NELL1: variants seen among roughly 807,000 people sequenced by gnomAD.
NELL1 encodes neural EGFL like 1, also known as protein kinase C-binding protein NELL1.
NELL1 carries 76 observed loss-of-function variants against 107.4 expected under a neutral mutation model. The ratio of observed to expected loss-of-function variants is 0.71; its 90% CI spans 0.59 to 0.86. The LOEUF (loss-of-function observed/expected upper bound fraction) is 0.86, where lower values mean the gene tolerates loss of function less well. Ranked by LOEUF, NELL1 falls within the 40% of genes least tolerant of loss-of-function variation. NELL1 has a pLI of 0.00. For missense variants in NELL1, 1,024 were observed against 1,005.5 expected (o/e 1.02, Z -0.25); for synonymous variants, 353 against 341.2 (o/e 1.03, Z -0.38).
intron 3 of NELL1, among the ~76,000 whole-genome samples, chr11:20,802,365 G>C (rs761713587): frequency 6.7e-6 from 1 of 148,300 alleles, no homozygotes; most frequent in African/African-American, 2.5e-5. Flanking sequence ...TTACTTTCTT[G>C]ATTTCTTTTT....
chr11:20,995,083 A>C (rs1852059708), intron 12 of NELL1, among the ~76,000 whole-genome samples: 1 of 151,932 alleles, frequency 6.6e-6, no homozygotes, highest in Non-Finnish European at 1.5e-5. Context: ...TTAGAATTGC[A>C]AGCTTCAAAA....
At chr11:21,456,137 C>T (rs1308624117) in intron 15 of NELL1, among the ~76,000 whole-genome samples, 1 of 152,198 alleles carries the variant, frequency 6.6e-6, no homozygotes, top group East Asian at 1.9e-4. Flanking sequence ...AGGTGATCCA[C>T]CTGCCTCAGC....
At chr11:21,098,667 G>C (rs1035303521) in intron 12 of NELL1, among the ~76,000 whole-genome samples, 4 of 152,144 alleles carry the variant, frequency 2.6e-5, no homozygotes, top group South Asian at 2.1e-4. Context: ...AGGTGCTCCA[G>C]GGTCACAGGT....
At position 21,164,967 on chromosome 11, in the gene NELL1, T is replaced by A. The variant is rs180973863; in HGVS notation, c.1426+51253T>A. ...AATTCAATTACTTTCTCACTGACAT[T>A]CCTTCTCATAGAGACTTGATTATTT... On this transcript the variant is annotated intron_variant, in intron 13 of 19. Coordinates refer to ENST00000357134, the MANE Select transcript of NELL1 (RefSeq NM_006157.5). Among the ~76,000 whole-genome samples, 15 of 152,348 alleles carry A rather than the reference T, an allele frequency of 9.8e-5. No individual in the cohort carries two copies. In the East Asian group the frequency reaches 2.9e-3, roughly 29 times the overall value.
Position 21,208,974 on chromosome 11 carries a change from T to C in NELL1, c.1427-20358T>C, listed in dbSNP as rs551030237. ...AATCAGCAGGGCTTTTGACCTCCAATAACTTTTTGGGCTAGATAGTAACCA... is the reference window on the plus strand; with the variant it reads ...AATCAGCAGGGCTTTTGACCTCCAACAACTTTTTGGGCTAGATAGTAACCA... On this transcript the variant is annotated intron_variant, in intron 13 of 19. Coordinates refer to ENST00000357134, the MANE Select transcript of NELL1 (RefSeq NM_006157.5). Among the ~76,000 whole-genome samples the C allele has an allele frequency of 3.9e-5, 6 of 152,198 alleles. No homozygotes were observed. The South Asian group carries it at 1.0e-3, about 26-fold the overall frequency.
intron 12 of NELL1, among the ~76,000 whole-genome samples, chr11:21,018,429 G>A (rs1336739809): frequency 1.3e-5 from 2 of 152,022 alleles, no homozygotes; most frequent in Non-Finnish European, 2.9e-5. Context: ...CAGTGGGCAC[G>A]AAGAGTGATC....
chr11:20,893,855 T>TAAAAAAAAAAA, intron 5 of NELL1, among the ~76,000 whole-genome samples: 1 of 127,148 alleles, frequency 7.9e-6, no homozygotes, highest in Non-Finnish European at 1.6e-5. Context: ...GTGAGGTAGT[T>TAAAAAAAAAAA]AAAAAAAAAA....
intron 3 of NELL1, among the ~76,000 whole-genome samples, chr11:20,841,455 T>C (rs1404451296): frequency 6.6e-6 from 1 of 151,946 alleles, no homozygotes; most frequent in African/African-American, 2.4e-5. Context: ...TCTGCTACAC[T>C]TACCTCTCCT....
At chr11:21,466,795 G>A (rs1854043553) in intron 15 of NELL1, among the ~76,000 whole-genome samples, 1 of 151,870 alleles carries the variant, frequency 6.6e-6, no homozygotes, top group Non-Finnish European at 1.5e-5. Flanking sequence ...ACTAGTGGGG[G>A]TACAATTGTC....
At chr11:21,384,768 A>G (rs968674964) in intron 15 of NELL1, among the ~76,000 whole-genome samples, 1 of 152,016 alleles carries the variant, frequency 6.6e-6, no homozygotes, top group South Asian at 2.1e-4. Flanking sequence ...CCTACAAAGG[A>G]CATGAACTCA....
chr11:21,199,338 C>T (rs963441290), intron 13 of NELL1, among the ~76,000 whole-genome samples: 1 of 152,106 alleles, frequency 6.6e-6, no homozygotes, highest in Non-Finnish European at 1.5e-5. Flanking sequence ...AGACAGAGTA[C>T]CCTCCAGGAC....
intron 3 of NELL1, among the ~76,000 whole-genome samples, chr11:20,804,979 T>A (rs967735856): frequency 1.3e-5 from 2 of 152,234 alleles, no homozygotes; most frequent in African/African-American, 4.8e-5. Context: ...GCATGTATAT[T>A]TACAATTGTT....
intron 13 of NELL1, among the ~76,000 whole-genome samples, chr11:21,193,297 A>G (rs1857084943): frequency 6.6e-6 from 1 of 151,704 alleles, no homozygotes; most frequent in South Asian, 2.1e-4. Context: ...AGCAGTTTTG[A>G]TACTCTTAGG....
chr11:20,858,070 C>T (rs1273552474), intron 4 of NELL1, among the ~76,000 whole-genome samples: 1 of 152,190 alleles, frequency 6.6e-6, no homozygotes, highest in Admixed American at 6.5e-5. Flanking sequence ...AACAACCCCA[C>T]AGGCTGGGAC....
intron 15 of NELL1, among the ~76,000 whole-genome samples, chr11:21,407,713 C>G (rs1852269719): frequency 6.9e-6 from 1 of 144,830 alleles, no homozygotes; most frequent in Non-Finnish European, 1.5e-5. Flanking sequence ...TTTTTTACCT[C>G]ATCTCTCATC....
At chr11:21,359,213 T>C (rs1007602051) in intron 14 of NELL1, among the ~76,000 whole-genome samples, 36 of 152,164 alleles carry the variant, frequency 2.4e-4, no homozygotes, top group Non-Finnish European at 1.5e-4. Context: ...TGTCAGATAA[T>C]TTTTCTGCAT....
At chr11:21,232,181 T>TATATATATATATATATA (rs1375976378) in intron 14 of NELL1, among the ~76,000 whole-genome samples, 5 of 132,028 alleles carry the variant, frequency 3.8e-5, no homozygotes, top group Admixed American at 7.7e-5. Context: ...TATATATAAA[T>TATATATATATATATATA]TAGCTGGGCG....
chr11:21,395,507 C>G (rs1851961315), intron 15 of NELL1, among the ~76,000 whole-genome samples: 1 of 151,446 alleles, frequency 6.6e-6, no homozygotes, highest in African/African-American at 2.4e-5. Flanking sequence ...GTTTTGGTCC[C>G]TGGGGCAAAA....
intron 2 of NELL1, among the ~76,000 whole-genome samples, chr11:20,780,264 G>T (rs1856827499): frequency 6.6e-6 from 1 of 152,176 alleles, no homozygotes; most frequent in African/African-American, 2.4e-5. Flanking sequence ...GGGGTGTCCT[G>T]CAAAGAAGTG....
Sources: gnomAD v4.1 joint callset for allele counts (sites outside exome capture counted in the v4.1 genomes callset) on GRCh38, gnomAD v4.1.1 for gene constraint, MANE v1.5 for transcripts, NCBI Gene and HGNC (gene_info 2026-07-23, HGNC 2026-07-21) for gene names.